Variants in MUC5B observed in about 807,000 individuals in gnomAD.
MUC5B encodes the protein mucin 5B, oligomeric mucus/gel-forming, also known as mucin-5B.
Under a neutral mutation model 376.9 loss-of-function variants are expected in MUC5B, and 116 were observed. The observed-to-expected ratio is 0.31, with a 90% CI of 0.26 to 0.36. MUC5B has a LOEUF of 0.36. MUC5B is among the 10% of genes least tolerant of loss of function. The pLI, the probability that MUC5B is intolerant of heterozygous loss-of-function variation, is 1.00. For missense variants in MUC5B, 7,165 were observed against 7,769.9 expected, an observed-to-expected ratio of 0.92 and a Z score of 2.93; for synonymous variants, 3,517 against 3,390.9, an observed-to-expected ratio of 1.04 and a Z score of -1.29.
At position 1,232,056 on chromosome 11, in the gene MUC5B, T is replaced by A. The variant is rs781420204; in HGVS notation, c.1739T>A (p.Val580Glu). The change falls in exon 15 of 49, where the codon GTG becomes GAG. Residue 580 changes from valine to glutamate, a missense_variant. By Grantham distance (121) the Val-to-Glu change is moderately radical. Around this residue, in one of 31 missense-constraint regions of MUC5B, gnomAD observed 18 missense variants for 54.5 expected, o/e 0.33. Transcript: ENST00000529681. The part of the protein sequence containing the change: ...ADDFTALSGV[V>E]EATGAAFANT... ...GACTTCACGGCCCTCAGCGGGGTGG[T>A]GGAGGCCACGGGCGCAGCCTTCGCC... is the stretch of plus-strand genomic sequence containing the variant. 12 of 1,612,576 alleles carry A rather than the reference T, an allele frequency of 7.4e-6. No homozygotes were observed. In the African/African-American group the frequency reaches 8.0e-5, roughly 11 times the overall value.
In MUC5B at chr11:1,241,895, G is replaced by T. The variant is rs533868752; in HGVS notation, c.5015G>T (p.Gly1672Val). 18 of 1,611,668 alleles carry T rather than the reference G, an allele frequency of 1.1e-5. No homozygotes were observed. In the South Asian group the frequency reaches 1.8e-4, roughly 16 times the overall value. ...AGCACCCTTGGTACAGCCACCACGG[G>T]AGGCCCCACGACGCCTGCAGGCTCC... Reference protein sequence around the residue: ...YTSTLGTATTGGPTTPAGSTE... With the variant: ...YTSTLGTATTVGPTTPAGSTE... The change falls in exon 31 of 49, where the codon GGA (glycine) becomes GTA (valine). Residue 1672 changes from glycine (G) to valine (V), a missense_variant. This residue lies in a region of MUC5B where 897 missense variants were observed against 779.6 expected (regional missense o/e 1.15). Transcript: ENST00000529681.
In MUC5B at chr11:1,227,798, C is replaced by A. The variant is rs1166419399; in HGVS notation, c.774+17C>A. The A allele has an allele frequency of 1.4e-6, 1 of 697,372 alleles. No individual in the cohort carries two copies. 43.2% of individuals were successfully genotyped at this position (697,372 alleles called of 1,614,324 possible). ...ACGGACGAGGTGAGTCCCCCGCCAC[C>A]CCCAGCTCCTGGGCAGGGACGGCCT... On this transcript the variant is annotated intron_variant, in intron 7 of 48. Transcript: ENST00000529681.
Position 1,247,127 on chromosome 11 carries a change from C to A in MUC5B, c.10247C>A (p.Pro3416His). The change falls in exon 31 of 49, where the codon CCC (proline) becomes CAC (histidine). Residue 3416 changes from proline (P) to histidine (H), a missense_variant. Transcript: ENST00000529681. ...TCAACTCCAGGGACAACTCCCATCC[C>A]CCCAGTGCTGACCACCACCGCCACC... is the stretch of plus-strand genomic sequence containing the variant. ...PSSTPGTTPIPPVLTTTATTP... is the reference protein window; with the variant it reads ...PSSTPGTTPIHPVLTTTATTP... 1 of 1,569,368 alleles carries A rather than the reference C, an allele frequency of 6.4e-7. No homozygotes were observed. The highest frequency in any genetic ancestry group is 8.6e-7 in the Non-Finnish European group (1 of 1,157,960).
In MUC5B at chr11:1,231,482, C is replaced by A; in HGVS notation, c.1600C>A (p.Leu534Met). 6.2e-7 allele frequency: 1 copy of A among 1,609,658 alleles called. No homozygotes were observed. The highest frequency in any genetic ancestry group is 8.5e-7 in the Non-Finnish European group (1 of 1,178,650). ...CATCGTGGTGCAGACAGGCCTGGGG[C>A]TGCAGCTGCTGGTGCAGCTGGTGCC... is the stretch of plus-strand genomic sequence containing the variant. ...FFIVVQTGLG[L>M]QLLVQLVPLM... The change falls in exon 14 of 49, where the codon CTG (leucine) becomes ATG (methionine). Residue 534 changes from leucine to methionine, a missense_variant. Leu to Met is a conservative substitution (Grantham distance 15). Coordinates refer to ENST00000529681, the MANE Select transcript of MUC5B (RefSeq NM_002458.3).
chr11:1,239,028 G>A lies in MUC5B; in HGVS notation c.3454+1G>A. 5 of 1,572,424 alleles carry A rather than the reference G, an allele frequency of 3.2e-6. No homozygotes were observed. The highest frequency in any genetic ancestry group is 2.3e-5 in the East Asian group (1 of 42,758). ...TCCTGGCGGACTCCGGACACCTGCC[G>A]TGAGTCGGGCTCTGTCCGTGGTGCT... On this transcript the variant is annotated splice_donor_variant, in intron 26 of 48. Coordinates refer to ENST00000529681, the MANE Select transcript of MUC5B (RefSeq NM_002458.3). LOFTEE classifies it high-confidence loss of function.
Position 1,234,638 on chromosome 11 carries a change from C to G in MUC5B, c.2588C>G (p.Thr863Ser), listed in dbSNP as rs916166425. 6 of 1,551,470 alleles carry G rather than the reference C, an allele frequency of 3.9e-6. No homozygotes were observed. In the African/African-American group the frequency reaches 8.2e-5, roughly 21 times the overall value. ...TGCCCCTGTGTGCACAACGAGGCCACCTACAAGCCTGGAGAGACCATCAGG... is the reference window on the plus strand; with the variant it reads ...TGCCCCTGTGTGCACAACGAGGCCAGCTACAAGCCTGGAGAGACCATCAGG... ...EDCPCVHNEA[T>S]YKPGETIRVD... Residue 863 changes from threonine (T) to serine (S), a missense_variant, in exon 21 of 49, where the codon ACC becomes AGC. Transcript: ENST00000529681. This position sits in a 1 kb window ranked among gnomAD's most constrained non-coding sequence, Gnocchi z 6.3.
intron 26 of MUC5B, 141 bp downstream of exon 26, chr11:1,239,168 C>T: frequency 8.9e-7 from 1 of 1,121,634 alleles, no homozygotes; most frequent in Admixed American, 2.0e-5. Flanking sequence ...TGTGAGTGCA[C>T]AAGTTTCTAT....
chr11:1,240,970 C>T lies in MUC5B; in HGVS notation c.4090C>T (p.Leu1364=). The T allele has an allele frequency of 6.2e-7, 1 of 1,613,464 alleles. No homozygotes were observed. Among genetic ancestry groups the T allele is most frequent in the Non-Finnish European group, 8.5e-7 (1 of 1,179,844 alleles). Residue 1364 remains leucine, a synonymous_variant, in exon 31 of 49, where the codon CTG becomes TTG. Transcript: ENST00000529681. ...GGGDFETFEN[L]RQRGYQVCPV... ...CGGAGACTTTGAGACGTTTGAAAAC[C>T]TGAGGCAGAGAGGGTACCAGGTATG...
chr11:1,254,796 G>A lies in MUC5B; in HGVS notation c.15580G>A (p.Gly5194Ser), dbSNP rs1309693627. 1 of 1,612,784 alleles carries A rather than the reference G, an allele frequency of 6.2e-7. No individual in the cohort carries two copies. The highest frequency in any genetic ancestry group is 2.2e-5 in the East Asian group (1 of 44,866). Residue 5194 changes from glycine to serine, a missense_variant, in exon 35 of 49, where the codon GGC becomes AGC. Physicochemically the swap from Gly to Ser is moderately conservative, Grantham distance 56. Coordinates refer to ENST00000529681, the MANE Select transcript of MUC5B (RefSeq NM_002458.3). ...CATGCGTGTGGACATTCCTGCCCTGGGCGTGAGCGTCACCTTCAATGGCCA... is the reference window on the plus strand; with the variant it reads ...CATGCGTGTGGACATTCCTGCCCTGAGCGTGAGCGTCACCTTCAATGGCCA... ...TTMRVDIPAL[G>S]VSVTFNGQVF...
rs760055181 is a variant in MUC5B, at chr11:1,250,776, C to G, written c.13896C>G (p.Thr4632=). 1.2e-6 allele frequency: 2 copies of G among 1,613,176 alleles called. No homozygotes were observed. The highest frequency in any genetic ancestry group is 1.3e-5 in the African/African-American group (1 of 74,956). Residue 4632 remains threonine (T), a synonymous_variant, in exon 31 of 49, where the codon ACC becomes ACG. Transcript: ENST00000529681. ...TTTPTTTTPT[T]SGSTVTPSSI... ...CACCCACAACCACCACACCCACAAC[C>G]AGTGGCTCCACGGTGACCCCCTCCT...
chr11:1,244,812 T>C lies in MUC5B; in HGVS notation c.7932T>C (p.Gly2644=), dbSNP rs201747939. ...ISTTTTPTTR[G]STVTPSSIPG... is the part of the protein sequence containing the mutation. ...CAACCACCACACCCACAACCAGAGGTTCCACGGTGACCCCCTCCTCCATCC... is the reference window on the plus strand; with the variant it reads ...CAACCACCACACCCACAACCAGAGGCTCCACGGTGACCCCCTCCTCCATCC... Residue 2644 remains glycine (G), a synonymous_variant, in exon 31 of 49, where the codon GGT becomes GGC. Coordinates refer to ENST00000529681, the MANE Select transcript of MUC5B (RefSeq NM_002458.3). 48,286 of 1,607,814 alleles carry C rather than the reference T, an allele frequency of 0.03. 1,029 individuals are homozygous for C. The highest frequency in any genetic ancestry group is 0.033 in the Non-Finnish European group (38,766 of 1,177,946).
At chr11:1,238,346 G>A (rs1384133338) in intron 25 of MUC5B, among the ~76,000 whole-genome samples, 1 of 152,242 alleles carries the variant, frequency 6.6e-6, no homozygotes, top group Non-Finnish European at 1.5e-5. Context: ...AGGCAGAAAG[G>A]CGGTGGGTGC....
intron 32 of MUC5B, 54 bp downstream of exon 32, chr11:1,252,578 G>A: frequency 6.8e-7 from 1 of 1,460,454 alleles, no homozygotes; most frequent in Non-Finnish European, 9.0e-7. Context: ...GTCTGGGTTG[G>A]CTGGAGGCAC....
chr11:1,239,188 A>C, intron 26 of MUC5B, 161 bp downstream of exon 26: 1 of 996,028 alleles, frequency 1.0e-6, no homozygotes. Flanking sequence ...TGCACAGAGG[A>C]AGACCTGTGC....
rs747893301 is a variant in MUC5B at position 1,246,662 on chromosome 11, C to T, written c.9782C>T (p.Thr3261Ile). The T allele has an allele frequency of 1.5e-4, 234 of 1,611,756 alleles. No homozygotes were observed. The Middle Eastern group carries it at 1.6e-3, about 11-fold the overall frequency. ...TCACAGACCACCACACCCACGGCCA[C>T]CATGTCCACAGCCACACCCTCCTCT... Reference protein sequence around the residue: ...RLSQTTTPTATMSTATPSSTP... With the variant: ...RLSQTTTPTAIMSTATPSSTP... Residue 3261 changes from threonine (T) to isoleucine (I), a missense_variant, in exon 31 of 49, where the codon ACC (threonine) becomes ATC (isoleucine). By Grantham distance (89) the Thr-to-Ile change is moderately conservative. Coordinates refer to ENST00000529681, the MANE Select transcript of MUC5B (RefSeq NM_002458.3).
intron 1 of MUC5B, among the ~76,000 whole-genome samples, chr11:1,225,460 G>A (rs960209591): frequency 2.6e-5 from 4 of 152,242 alleles, no homozygotes; most frequent in East Asian, 1.9e-4. Context: ...GAGCAGGAGC[G>A]GAGGCATCTG....
chr11:1,261,286 C>G (rs935325681), intron 48 of MUC5B, 103 bp from the exon 49 acceptor site: 1 of 1,013,846 alleles, frequency 9.9e-7, no homozygotes, highest in Non-Finnish European at 1.4e-6. Context: ...CAGAAGGGGG[C>G]GGCCGTCTGG....
Position 1,229,169 on chromosome 11 carries a change from GC to G in MUC5B, c.979del (p.Arg327GlyfsTer145). The G allele has an allele frequency of 6.3e-7, 1 of 1,588,944 alleles. No individual in the cohort carries two copies. On this transcript the variant is annotated frameshift_variant and splice_region_variant, in exon 9 of 49. Transcript: ENST00000529681. LOFTEE classifies it high-confidence loss of function. ...PRNWRCPELC[P>X]RTCPLNMQHQ... ...GCCCAGCCCCACCTCCTTTTGCGCA[GC>G]CCGGACCTGCCCCCTCAACATGCAG...
At chr11:1,236,596 G>A in intron 24 of MUC5B, 34 bp downstream of exon 24, 1 of 1,596,500 alleles carries the variant, frequency 6.3e-7, no homozygotes. Flanking sequence ...AGGCCCTGCA[G>A]GACCCTCTCA....
Sources: gnomAD v4.1 joint callset for allele counts (sites outside exome capture counted in the v4.1 genomes callset) on GRCh38, gnomAD v4.1.1 for gene constraint, gnomAD v4.1.1 regional missense constraint, Gnocchi (gnomAD v3.1) non-coding constraint, MANE v1.5 for transcripts, NCBI Gene and HGNC (gene_info 2026-07-23, HGNC 2026-07-21) for gene names.